ATRN: variants seen among roughly 807,000 people sequenced by gnomAD.
ATRN encodes attractin-2.
In ATRN, 54 loss-of-function variants were observed where a neutral mutation model predicts 178.7. The ratio of observed to expected loss-of-function variants is 0.30; its 90% confidence interval spans 0.24 to 0.38. ATRN has a LOEUF of 0.38. ATRN is among the 10% of genes least tolerant of loss of function. ATRN has a pLI of 1.00. For missense variants in ATRN, 1,443 were observed against 1,815.1 expected, an observed-to-expected ratio of 0.79 and a Z score of 3.73; for synonymous variants, 636 against 663.0, an observed-to-expected ratio of 0.96 and a Z score of 0.63.
intron 1 of ATRN, among the ~76,000 whole-genome samples, chr20:3,474,748 T>G (rs79115083): frequency 0.083 from 11,958 of 144,848 alleles, 597 homozygotes; most frequent in African/African-American, 0.14. Context: ...AAAATTTTAG[T>G]CGAGGCCAAG....
chr20:3,552,201 A>AGTT (rs2085797630), intron 6 of ATRN, among the ~76,000 whole-genome samples: 1 of 152,156 alleles, frequency 6.6e-6, no homozygotes, highest in African/African-American at 2.4e-5. Flanking sequence ...ACCAGGGCTT[A>AGTT]ACCCTTGGTC....
intron 1 of ATRN, chr20:3,490,002 G>A: frequency 3.0e-6 from 3 of 984,504 alleles, no homozygotes; most frequent in Non-Finnish European, 4.9e-6. Context: ...ATTTTCATGA[G>A]TGAGATGTTG....
chr20:3,617,795 AC>A (rs2086863703), intron 24 of ATRN, among the ~76,000 whole-genome samples: 2 of 149,266 alleles, frequency 1.3e-5, no homozygotes, highest in African/African-American at 4.8e-5. Flanking sequence ...AGCATAGTGC[AC>A]CCTGGAGCTG....
chr20:3,587,921 C>G (rs889943235), intron 18 of ATRN, among the ~76,000 whole-genome samples: 2 of 152,314 alleles, frequency 1.3e-5, no homozygotes, highest in South Asian at 4.1e-4. Flanking sequence ...TCTTGGCTCA[C>G]TGCAGCCTCC....
chr20:3,607,236 C>G (rs1026454443), intron 24 of ATRN, among the ~76,000 whole-genome samples: 2 of 152,096 alleles, frequency 1.3e-5, no homozygotes, highest in Non-Finnish European at 2.9e-5. Context: ...TTTATCATTT[C>G]TTTGTGTTGA....
intron 1 of ATRN, among the ~76,000 whole-genome samples, chr20:3,522,993 A>G (rs2085316604): frequency 6.6e-6 from 1 of 152,132 alleles, no homozygotes. Flanking sequence ...TCCAAAAACA[A>G]GAACGCCTCT....
intron 27 of ATRN, among the ~76,000 whole-genome samples, chr20:3,640,141 G>A (rs140838798): frequency 6.6e-6 from 1 of 152,194 alleles, no homozygotes; most frequent in East Asian, 1.9e-4. Context: ...ATAAAGATGA[G>A]AGTCAAGTAT....
intron 1 of ATRN, among the ~76,000 whole-genome samples, chr20:3,481,190 G>A (rs1465328193): frequency 1.3e-5 from 2 of 151,660 alleles, no homozygotes; most frequent in Non-Finnish European, 2.9e-5. Context: ...CTTCTTATGA[G>A]GGCTTTCTTA....
At chr20:3,502,570 G>A (rs1461686169) in intron 1 of ATRN, among the ~76,000 whole-genome samples, 2 of 152,106 alleles carry the variant, frequency 1.3e-5, no homozygotes, top group African/African-American at 4.8e-5. Flanking sequence ...ATCTGCCAAG[G>A]CCGACAGCAT....
chr20:3,577,730 G>A (rs2086231287), intron 14 of ATRN, among the ~76,000 whole-genome samples: 1 of 152,254 alleles, frequency 6.6e-6, no homozygotes, highest in South Asian at 2.1e-4. Context: ...GAAAAGACCT[G>A]GGAATCTTGC....
intron 1 of ATRN, among the ~76,000 whole-genome samples, chr20:3,498,100 T>A (rs2084906391): frequency 6.6e-6 from 1 of 152,174 alleles, no homozygotes; most frequent in Non-Finnish European, 1.5e-5. Flanking sequence ...GATAAATTCC[T>A]CGACACATAC....
chr20:3,609,750 GTA>G (rs1491019830), intron 24 of ATRN, among the ~76,000 whole-genome samples: 4 of 143,872 alleles, frequency 2.8e-5, no homozygotes, highest in South Asian at 2.2e-4. Context: ...GTGTGTGTGT[GTA>G]TAAAATAAAA....
chr20:3,512,107 A>ATATATATATATATTTT, intron 1 of ATRN, among the ~76,000 whole-genome samples: 12 of 106,386 alleles, frequency 1.1e-4, no homozygotes, highest in South Asian at 2.9e-4. Flanking sequence ...ATATATATAT[A>ATATATATATATATTTT]TTTTTTTTTT....
In ATRN at chr20:3,637,946, G is replaced by A. The variant is rs924400257; in HGVS notation, c.3943-882G>A. Reference sequence around the variant, plus strand: ...AGGGTTCTTTCAGTTCCTATCTGCCGTATAATGAGGCATAGGTTTTTGTTG... The same window carrying A: ...AGGGTTCTTTCAGTTCCTATCTGCCATATAATGAGGCATAGGTTTTTGTTG... On this transcript the variant is annotated intron_variant, in intron 26 of 28. Transcript: ENST00000262919. Among the ~76,000 whole-genome samples, 4 of 152,062 alleles carry A rather than the reference G, an allele frequency of 2.6e-5. No homozygotes were observed. The South Asian group carries it at 6.2e-4, about 24-fold the overall frequency.
At chr20:3,490,362 C>T (rs2084771641) in intron 1 of ATRN, 7 of 989,798 alleles carry the variant, frequency 7.1e-6, no homozygotes, top group Non-Finnish European at 1.1e-5. Context: ...TCTCCCATTT[C>T]TTCTCAAACT....
intron 1 of ATRN, among the ~76,000 whole-genome samples, chr20:3,473,442 G>A (rs2084461969): frequency 6.6e-6 from 1 of 152,196 alleles, no homozygotes; most frequent in African/African-American, 2.4e-5. Flanking sequence ...GAGAGCAAAG[G>A]GGAGCTTGGC....
Position 3,560,912 on chromosome 20 carries a change from A to G in ATRN, c.1447+7A>G, listed in dbSNP as rs553173841. The G allele has an allele frequency of 2.1e-5, 34 of 1,611,992 alleles. No individual in the cohort carries two copies. Among genetic ancestry groups the G allele is most frequent in the East Asian group, 4.5e-5 (2 of 44,830 alleles). Reference sequence around the variant, plus strand: ...GTGCAGGAATATGATTTGGGTAGGTATATTTTTTCCAGTAGATGCCTTTTG... The same window carrying G: ...GTGCAGGAATATGATTTGGGTAGGTGTATTTTTTCCAGTAGATGCCTTTTG... On this transcript the variant is annotated splice_region_variant and intron_variant, in intron 8 of 28. Transcript: ENST00000262919.
chr20:3,572,695 C>A, intron 11 of ATRN, 36 bp from the exon 12 acceptor site: 1 of 1,541,182 alleles, frequency 6.5e-7, no homozygotes, highest in Non-Finnish European at 8.9e-7. Context: ...TTATCTGAGT[C>A]TCTAGTAAAT....
At chr20:3,499,753 C>T (rs544149702) in intron 1 of ATRN, among the ~76,000 whole-genome samples, 1 of 150,818 alleles carries the variant, frequency 6.6e-6, no homozygotes, top group African/African-American at 2.5e-5. Context: ...CTAGGCATTA[C>T]CATTCAGGAC....
Sources: gnomAD v4.1 joint callset for allele counts (sites outside exome capture counted in the v4.1 genomes callset) on GRCh38, gnomAD v4.1.1 for gene constraint, MANE v1.5 for transcripts, NCBI Gene and HGNC (gene_info 2026-07-23, HGNC 2026-07-21) for gene names.